The following GRIA3 variants were observed in gnomAD, a reference collection of about 807,000 sequenced individuals.
The protein encoded by GRIA3 is glutamate receptor 3.
In GRIA3, 3 loss-of-function variants were observed where a neutral mutation model predicts 63.0. That is an observed-to-expected ratio of 0.05 (90% CI 0.02 to 0.12). The LOEUF is 0.12. GRIA3 is among the 10% of genes least tolerant of loss of function. The pLI is 1.00. For synonymous variants in GRIA3, 274 were observed against 257.9 expected, an observed-to-expected ratio of 1.06 and a Z score of -0.60; for missense variants, 347 against 700.9, an observed-to-expected ratio of 0.50 and a Z score of 5.70.
At chrX:123,483,507 G>T (rs979887433) in intron 15 of GRIA3, among the ~76,000 whole-genome samples, 3 of 111,987 alleles carry the variant, frequency 2.7e-5, no homozygotes, top group Non-Finnish European at 5.6e-5. Context: ...TGCAAATCTG[G>T]GGTATATTTT....
intron 12 of GRIA3, among the ~76,000 whole-genome samples, chrX:123,444,013 A>G (rs1421455154): frequency 3.6e-5 from 4 of 111,550 alleles, no homozygotes; most frequent in Non-Finnish European, 7.5e-5. Flanking sequence ...AGGAAAGTTC[A>G]TTAAAATATG....
At chrX:123,211,327 C>G (rs1231270024) in intron 2 of GRIA3, among the ~76,000 whole-genome samples, 2 of 111,716 alleles carry the variant, frequency 1.8e-5, no homozygotes, top group African/African-American at 3.2e-5. Flanking sequence ...CCCACAAATC[C>G]ACCAAATAAG....
chrX:123,215,918 C>T (rs1301688573), intron 2 of GRIA3, among the ~76,000 whole-genome samples: 1 of 111,865 alleles, frequency 8.9e-6, no homozygotes, highest in Non-Finnish European at 1.9e-5. Flanking sequence ...GCAACCAGCA[C>T]AAACCCAGTC....
At chrX:123,242,322 A>G (rs966723727) in intron 2 of GRIA3, among the ~76,000 whole-genome samples, 3 of 112,103 alleles carry the variant, frequency 2.7e-5, no homozygotes, top group Non-Finnish European at 5.6e-5. Flanking sequence ...ATGGCTTTCA[A>G]ATACTATATG....
chrX:123,353,226 T>C (rs898668122), intron 4 of GRIA3, among the ~76,000 whole-genome samples: 3 of 112,176 alleles, frequency 2.7e-5, no homozygotes, highest in Middle Eastern at 4.6e-3. Flanking sequence ...CTTCTTCCTC[T>C]TGTCCAAGAC....
chrX:123,401,403 CCTGT>C (rs1458507064), intron 7 of GRIA3, among the ~76,000 whole-genome samples: 6 of 111,715 alleles, frequency 5.4e-5, no homozygotes, highest in Non-Finnish European at 7.5e-5. Context: ...TTGTCTCTGC[CCTGT>C]CTAACTCTTC....
intron 7 of GRIA3, among the ~76,000 whole-genome samples, chrX:123,400,405 A>G (rs1168249635): frequency 3.6e-5 from 4 of 111,537 alleles, no homozygotes; most frequent in African/African-American, 6.5e-5. Context: ...GAAGGCATCT[A>G]TTTTTTCCAA....
intron 11 of GRIA3, among the ~76,000 whole-genome samples, chrX:123,420,685 A>T (rs2045559793): frequency 9.0e-6 from 1 of 110,918 alleles, no homozygotes; most frequent in Non-Finnish European, 1.9e-5. Context: ...CTGCATACTC[A>T]AAAAGCACTC....
intron 5 of GRIA3, among the ~76,000 whole-genome samples, chrX:123,359,338 C>T (rs1406843685): frequency 1.8e-5 from 2 of 110,997 alleles, no homozygotes; most frequent in African/African-American, 3.3e-5. Context: ...TCGGATGGTC[C>T]ACCTCTATGG....
chrX:123,333,763 C>A (rs2044956687), intron 4 of GRIA3, among the ~76,000 whole-genome samples: 1 of 110,918 alleles, frequency 9.0e-6, no homozygotes, highest in African/African-American at 3.3e-5. Context: ...TTCCTCTTTG[C>A]TTTCCTTGCT....
intron 2 of GRIA3, among the ~76,000 whole-genome samples, chrX:123,193,425 T>G (rs1245717579): frequency 8.9e-6 from 1 of 112,109 alleles, no homozygotes; most frequent in Non-Finnish European, 1.9e-5. Flanking sequence ...TGACTTCCCT[T>G]AAACAGGGTT....
chrX:123,280,571 CT>C, intron 3 of GRIA3, among the ~76,000 whole-genome samples: 1 of 112,057 alleles, frequency 8.9e-6, no homozygotes, highest in South Asian at 3.8e-4. Flanking sequence ...GTTTGGTCTA[CT>C]TTTGGCATAT....
At chrX:123,298,973 T>C (rs1021553874) in intron 3 of GRIA3, among the ~76,000 whole-genome samples, 1 of 111,582 alleles carries the variant, frequency 9.0e-6, no homozygotes, top group African/African-American at 3.3e-5. Flanking sequence ...GTACTGTTCA[T>C]TGAATAGGGA....
At chrX:123,239,274 G>T (rs949355329) in intron 2 of GRIA3, among the ~76,000 whole-genome samples, 1 of 110,118 alleles carries the variant, frequency 9.1e-6, no homozygotes, top group Non-Finnish European at 1.9e-5. Flanking sequence ...TGTCACTAAC[G>T]GCCCTCAAAA....
At chrX:123,185,141 C>T (rs1927225030) in intron 1 of GRIA3, 1 of 275,888 alleles carries the variant, frequency 3.6e-6, no homozygotes, top group African/African-American at 2.8e-5. Flanking sequence ...GTGGAGCCCA[C>T]TTTGGATCTC....
At chrX:123,204,937 T>C (rs1247737612) in intron 2 of GRIA3, among the ~76,000 whole-genome samples, 1 of 111,158 alleles carries the variant, frequency 9.0e-6, no homozygotes, top group Non-Finnish European at 1.9e-5. Context: ...TGCATGAACA[T>C]AAAATGGCTT....
intron 6 of GRIA3, among the ~76,000 whole-genome samples, chrX:123,398,058 A>C (rs1471451858): frequency 8.9e-6 from 1 of 112,086 alleles, no homozygotes; most frequent in Non-Finnish European, 1.9e-5. Context: ...GAAATTTTCT[A>C]CAATTGAAAA....
intron 3 of GRIA3, among the ~76,000 whole-genome samples, chrX:123,265,741 C>T (rs952078390): frequency 8.9e-6 from 1 of 112,240 alleles, no homozygotes; most frequent in Non-Finnish European, 1.9e-5. Flanking sequence ...TATGGAGACA[C>T]AAATAACCAG....
chrX:123,379,955 C>T (rs1321120321), intron 5 of GRIA3, among the ~76,000 whole-genome samples: 1 of 109,367 alleles, frequency 9.1e-6, no homozygotes, highest in Non-Finnish European at 1.9e-5. Context: ...CATCCATGTC[C>T]CTACAAAGGA....
Sources: gnomAD v4.1 joint callset for allele counts (sites outside exome capture counted in the v4.1 genomes callset) on GRCh38, gnomAD v4.1.1 for gene constraint, MANE v1.5 for transcripts, NCBI Gene and HGNC (gene_info 2026-07-23, HGNC 2026-07-21) for gene names.